The following COMMD9 variants were observed in gnomAD, a reference collection of about 807,000 sequenced individuals.
COMMD9 encodes COMM domain-containing protein 9.
A neutral mutation model predicts 23.4 loss-of-function variants in COMMD9; 22 were observed. The observed-to-expected ratio is 0.94, with a 90% CI of 0.67 to 1.34. The LOEUF (loss-of-function observed/expected upper bound fraction) is 1.34, where lower values mean the gene tolerates loss of function less well. Among genes scored for constraint, COMMD9 ranks in the 40% most tolerant of loss-of-function variants. COMMD9 has a pLI of 0.00. For synonymous variants in COMMD9, 99 were observed against 97.4 expected (o/e 1.02, Z -0.10); for missense variants, 231 against 240.2 (o/e 0.96, Z 0.25).
intron 4 of COMMD9, chr11:36,276,823 T>G (rs1855980295): frequency 3.1e-6 from 1 of 321,718 alleles, no homozygotes; most frequent in Non-Finnish European, 5.6e-6. Context: ...GTTAATTTTT[T>G]TCACAATTGA....
At chr11:36,286,367 TG>T in intron 1 of COMMD9, among the ~76,000 whole-genome samples, 1 of 117,430 alleles carries the variant, frequency 8.5e-6, no homozygotes, top group East Asian at 2.5e-4. Flanking sequence ...CTGGCCAACG[TG>T]GGGAAACCCT....
intron 1 of COMMD9, among the ~76,000 whole-genome samples, chr11:36,282,812 C>T (rs1048541757): frequency 2.6e-5 from 4 of 152,106 alleles, no homozygotes; most frequent in African/African-American, 9.7e-5. Flanking sequence ...CACAATAGGC[C>T]GTCTGCAAGC....
intron 5 of COMMD9, among the ~76,000 whole-genome samples, chr11:36,275,014 G>C (rs1164877123): frequency 2.0e-5 from 3 of 152,180 alleles, no homozygotes; most frequent in Non-Finnish European, 4.4e-5. Flanking sequence ...ATCAAAGAAG[G>C]CCAAGCCAAG....
rs1297891537 is a variant in COMMD9, at chr11:36,272,782, C to G, written c.*1850G>C. ...AACATTTTCCAAATGGCGCTAGTCA[C>G]AGAATTATATGTTCCTTGCAAAGTC... is the stretch of plus-strand genomic sequence containing the variant. On this transcript the variant is annotated 3_prime_UTR_variant, in exon 6 of 6. Coordinates refer to ENST00000263401, the MANE Select transcript of COMMD9 (RefSeq NM_014186.4). The G allele has an allele frequency of 2.6e-5, 4 of 152,304 alleles. No homozygotes were observed. The highest frequency in any genetic ancestry group is 2.6e-4 in the Admixed American group (4 of 15,304). 9.4% of individuals were successfully genotyped at this position (152,304 alleles called of 1,614,324 possible).
At chr11:36,280,425 G>A (rs576017112) in intron 2 of COMMD9, among the ~76,000 whole-genome samples, 1 of 152,330 alleles carries the variant, frequency 6.6e-6, no homozygotes, top group South Asian at 2.1e-4. Context: ...TCTGCCCTAA[G>A]CTATCCAGCT....
chr11:36,278,718 T>G, intron 2 of COMMD9, 102 bp from the exon 3 acceptor site: 3 of 1,134,572 alleles, frequency 2.6e-6, no homozygotes, highest in Non-Finnish European at 3.7e-6. Flanking sequence ...GGCTGCACAC[T>G]GCTATGGTCA....
chr11:36,284,198 G>GAT (rs1443961547), intron 1 of COMMD9, among the ~76,000 whole-genome samples: 1 of 152,068 alleles, frequency 6.6e-6, no homozygotes, highest in African/African-American at 2.4e-5. Flanking sequence ...AATGAAAAAA[G>GAT]ATATATTATG....
rs948270146 is a variant in COMMD9, at chr11:36,278,668, G to A, written c.178-52C>T. On this transcript the variant is annotated intron_variant, in intron 2 of 5. Coordinates refer to ENST00000263401, the MANE Select transcript of COMMD9 (RefSeq NM_014186.4). The stretch of plus-strand genomic sequence containing the variant: ...GCTGTAACAGAAGCAGCAGGCAGGG[G>A]GCACAAGGCAGGGCCAGGGGCAGGG... 4 of 1,594,160 alleles carry A rather than the reference G, an allele frequency of 2.5e-6. No homozygotes were observed. In the East Asian group the frequency reaches 6.7e-5, roughly 27 times the overall value.
In COMMD9 at chr11:36,285,387, T is replaced by C. The variant is rs370775231; in HGVS notation, c.51+3975A>G. ...ATTTTAAGGCTCCTAAAAAAGTCTC[T>C]AGACCCAGATAGTTTAACTGGAGAA... On this transcript the variant is annotated intron_variant, in intron 1 of 5. Coordinates refer to ENST00000263401, the MANE Select transcript of COMMD9 (RefSeq NM_014186.4). Among the ~76,000 whole-genome samples, 59 of 152,204 alleles carry C rather than the reference T, an allele frequency of 3.9e-4. 1 individual carries two copies. The South Asian group carries it at 9.3e-3, about 24-fold the overall frequency.
At chr11:36,282,460 C>T (rs748860676) in intron 1 of COMMD9, among the ~76,000 whole-genome samples, 36 of 151,458 alleles carry the variant, frequency 2.4e-4, no homozygotes, top group Non-Finnish European at 5.9e-5. Flanking sequence ...GATTTCATAT[C>T]AAAAACCATG....
chr11:36,286,913 A>T (rs1386160182), intron 1 of COMMD9, among the ~76,000 whole-genome samples: 1 of 152,086 alleles, frequency 6.6e-6, no homozygotes, highest in Non-Finnish European at 1.5e-5. Flanking sequence ...ATTCATGAGG[A>T]ATCTTTGTGG....
rs756623566 is a variant in COMMD9, at chr11:36,280,812, T to A, written c.77A>T (p.Gln26Leu). The A allele has an allele frequency of 5.0e-6, 8 of 1,600,848 alleles. No individual in the cohort carries two copies. Among genetic ancestry groups the A allele is most frequent in the Non-Finnish European group, 6.8e-6 (8 of 1,173,154 alleles). ...ACTGGAAAAGCTTTCTTGACACAGCTGTCTGACAACATCTTTCGAGGAGGC... is the reference window on the plus strand; with the variant it reads ...ACTGGAAAAGCTTTCTTGACACAGCAGTCTGACAACATCTTTCGAGGAGGC... ...LKASSKDVVR[Q>L]LCQESFSSSA... The change falls in exon 2 of 6, where the codon CAG becomes CTG. Residue 26 changes from glutamine to leucine, a missense_variant. By Grantham distance (113) the Gln-to-Leu change is moderately radical (BLOSUM62 -2). Transcript: ENST00000263401.
chr11:36,289,151 A>AT (rs952586637), intron 1 of COMMD9, among the ~76,000 whole-genome samples: 39 of 151,400 alleles, frequency 2.6e-4, no homozygotes, highest in African/African-American at 7.8e-4. Context: ...CCATTATTTT[A>AT]TTTTTTTTTA....
At chr11:36,278,859 G>C (rs1565351603) in intron 2 of COMMD9, among the ~76,000 whole-genome samples, 1 of 152,214 alleles carries the variant, frequency 6.6e-6, no homozygotes, top group Non-Finnish European at 1.5e-5. Context: ...CTGACAGCTT[G>C]TCAGAAACTC....
intron 1 of COMMD9, among the ~76,000 whole-genome samples, chr11:36,285,131 T>C (rs1361940836): frequency 6.6e-6 from 1 of 152,028 alleles, no homozygotes; most frequent in Non-Finnish European, 1.5e-5. Flanking sequence ...CAGACAAAGT[T>C]AAGAGGGGAG....
chr11:36,280,905 ATGTCTT>A, intron 1 of COMMD9, 68 bp from the exon 2 acceptor site: 1 of 1,443,592 alleles, frequency 6.9e-7, no homozygotes, highest in East Asian at 2.3e-5. Flanking sequence ...TTGAGTAATA[ATGTCTT>A]TGTCATACAT....
intron 1 of COMMD9, among the ~76,000 whole-genome samples, chr11:36,286,328 T>C (rs1463729157): frequency 4.1e-5 from 6 of 144,708 alleles, no homozygotes; most frequent in African/African-American, 1.6e-4. Context: ...GGCTGGTGGA[T>C]CACTTGTGGC....
chr11:36,281,964 C>T (rs964083360), intron 1 of COMMD9, among the ~76,000 whole-genome samples: 2 of 151,692 alleles, frequency 1.3e-5, no homozygotes, highest in Non-Finnish European at 2.9e-5. Context: ...ATATACAGAA[C>T]AACAAAATGG....
Position 36,274,485 on chromosome 11 carries a change from CTG to C in COMMD9, c.*145_*146del. ...ATCTGGCTGCTTCTTCCCAATCCAA[CTG>C]TAACTTCTGGATGGCAGTAGCCCCC... On this transcript the variant is annotated 3_prime_UTR_variant, in exon 6 of 6. Coordinates refer to ENST00000263401, the MANE Select transcript of COMMD9 (RefSeq NM_014186.4). 1.0e-6 allele frequency: 1 copy of C among 985,664 alleles called. No individual in the cohort carries two copies. Among genetic ancestry groups the C allele is most frequent in the Non-Finnish European group, 1.6e-6 (1 of 629,364 alleles). The allele number at this position is 985,664 out of a possible 1,614,324, so 61.1% of individuals were successfully genotyped here. A position where few individuals can be genotyped will look rare whatever the true frequency, so the allele number is the denominator to read the frequency against.
Sources: gnomAD v4.1 joint callset for allele counts (sites outside exome capture counted in the v4.1 genomes callset) on GRCh38, gnomAD v4.1.1 for gene constraint, MANE v1.5 for transcripts, NCBI Gene and HGNC (gene_info 2026-07-23, HGNC 2026-07-21) for gene names.